The following ZNF254 variants were observed in gnomAD, a reference collection of about 807,000 sequenced individuals.
ZNF254 encodes the protein zinc finger protein 254.
Under a neutral mutation model 12.4 loss-of-function variants are expected in ZNF254, and 10 were observed. The ratio of observed to expected loss-of-function variants is 0.80; its 90% CI spans 0.50 to 1.36. The LOEUF (loss-of-function observed/expected upper bound fraction) is 1.36. ZNF254 is among the 40% of genes most tolerant of loss of function. ZNF254 has a pLI of 0.00. For synonymous variants in ZNF254, 305 were observed against 253.4 expected, an observed-to-expected ratio of 1.20 and a Z score of -1.93; for missense variants, 996 against 763.9, an observed-to-expected ratio of 1.30 and a Z score of -3.58.
At chr19:24,079,606 T>C (rs1310931028) in intron 2 of ZNF254, 1 of 152,126 alleles carries the variant, frequency 6.6e-6, no homozygotes, top group Admixed American at 6.6e-5. Flanking sequence ...CATAGGTGAG[T>C]TTGAGAAGTT....
intron 2 of ZNF254, among the ~76,000 whole-genome samples, chr19:24,058,566 C>G (rs903540055): frequency 1.3e-5 from 2 of 152,066 alleles, no homozygotes; most frequent in Non-Finnish European, 2.9e-5. Context: ...CGCCACCACG[C>G]CTGGCTAATT....
intron 3 of ZNF254, among the ~76,000 whole-genome samples, chr19:24,110,605 T>C (rs1205556922): frequency 6.6e-6 from 1 of 152,126 alleles, no homozygotes; most frequent in Non-Finnish European, 1.5e-5. Flanking sequence ...GTTAACTATA[T>C]TCACATCGTT....
intron 1 of ZNF254, among the ~76,000 whole-genome samples, chr19:24,041,618 CG>C (rs1253237180): frequency 2.0e-5 from 3 of 152,258 alleles, no homozygotes; most frequent in Non-Finnish European, 2.9e-5. Flanking sequence ...GGCTCCTGTG[CG>C]GCCCGAGCCT....
chr19:24,114,892 G>A (rs1973933089), intron 3 of ZNF254, among the ~76,000 whole-genome samples: 2 of 152,198 alleles, frequency 1.3e-5, no homozygotes, highest in Non-Finnish European at 2.9e-5. Flanking sequence ...CTCAAAAGAA[G>A]ACATTTATGC....
intron 3 of ZNF254, among the ~76,000 whole-genome samples, chr19:24,125,850 C>T (rs1180949438): frequency 1.3e-5 from 2 of 152,126 alleles, no homozygotes; most frequent in Non-Finnish European, 2.9e-5. Flanking sequence ...AGGAAAAAAC[C>T]CTAAAAGCCA....
chr19:24,111,045 G>T (rs1973643629), intron 3 of ZNF254, among the ~76,000 whole-genome samples: 2 of 151,838 alleles, frequency 1.3e-5, no homozygotes, highest in African/African-American at 2.4e-5. Context: ...CTGGTGTGCT[G>T]CACCCATTAG....
chr19:24,052,776 A>G (rs565396407), intron 2 of ZNF254, among the ~76,000 whole-genome samples: 2 of 152,234 alleles, frequency 1.3e-5, no homozygotes, highest in East Asian at 1.9e-4. Context: ...GTCAATCCCT[A>G]TTCACTGGTG....
chr19:24,094,338 G>A (rs1372825852), intron 1 of ZNF254, among the ~76,000 whole-genome samples: 2 of 151,942 alleles, frequency 1.3e-5, no homozygotes, highest in African/African-American at 2.4e-5. Flanking sequence ...TTGGCTCACC[G>A]CAAACTCCAC....
chr19:24,043,493 C>G (rs945314665), intron 1 of ZNF254, among the ~76,000 whole-genome samples: 1 of 152,114 alleles, frequency 6.6e-6, no homozygotes, highest in Non-Finnish European at 1.5e-5. Context: ...AACTCCTGAC[C>G]TCAGGTGATC....
At chr19:24,113,464 G>A (rs1373708796) in intron 3 of ZNF254, among the ~76,000 whole-genome samples, 1 of 152,074 alleles carries the variant, frequency 6.6e-6, no homozygotes, top group East Asian at 1.9e-4. Context: ...TGCAGAAAAG[G>A]CCTTTGACAA....
At chr19:24,046,733 T>A (rs1486140747) in intron 2 of ZNF254, among the ~76,000 whole-genome samples, 1 of 151,844 alleles carries the variant, frequency 6.6e-6, no homozygotes, top group Non-Finnish European at 1.5e-5. Flanking sequence ...GGGAGTGGCT[T>A]CTGAACATAA....
At chr19:24,058,822 C>T (rs17206080) in intron 2 of ZNF254, among the ~76,000 whole-genome samples, 22,584 of 152,198 alleles carry the variant, frequency 0.15, 1,936 homozygotes, top group Middle Eastern at 0.23. Context: ...ACGTGGTTCA[C>T]TGTGACATAT....
rs1490488400 is a variant in ZNF254 at position 24,049,206 on chromosome 19, ATATATATAT to A, written c.-94+2929_-94+2937del. 5.6e-3 allele frequency among the ~76,000 whole-genome samples: 302 copies of A among 53,816 alleles called. 3 individuals are homozygous for A. Among genetic ancestry groups the A allele is most frequent in the African/African-American group, 0.015 (160 of 10,842 alleles). The allele number at this position is 53,816 out of a possible 152,430, so 35.3% of individuals were successfully genotyped here. On this transcript the variant is annotated intron_variant, in intron 2 of 4. Coordinates refer to the ZNF254 transcript ENST00000613065. ...GTTTTATATATATATATATATATAT[ATATATATAT>A]TTTTTTTTTTTTTTTAATTTATTTA...
chr19:24,046,378 T>C (rs554644162), intron 2 of ZNF254: 3 of 93,912 alleles, frequency 3.2e-5, no homozygotes, highest in African/African-American at 1.2e-4. Context: ...ATTTTTTATA[T>C]ATATATATAT....
chr19:24,069,098 C>T (rs1971386732), intron 2 of ZNF254, among the ~76,000 whole-genome samples: 1 of 152,124 alleles, frequency 6.6e-6, no homozygotes, highest in South Asian at 2.1e-4. Flanking sequence ...CCTCTGCCTC[C>T]TGAGTTCAAG....
At chr19:24,052,233 A>G (rs1010368453) in intron 2 of ZNF254, among the ~76,000 whole-genome samples, 9 of 152,204 alleles carry the variant, frequency 5.9e-5, no homozygotes, top group African/African-American at 1.9e-4. Flanking sequence ...GTGTGTTGTG[A>G]CATGCCTGGA....
intron 3 of ZNF254, among the ~76,000 whole-genome samples, chr19:24,122,431 G>T (rs1192769023): frequency 6.6e-6 from 1 of 152,022 alleles, no homozygotes; most frequent in Non-Finnish European, 1.5e-5. Flanking sequence ...CACCATCTTG[G>T]CCAGGCTGGT....
intron 3 of ZNF254, among the ~76,000 whole-genome samples, chr19:24,115,339 G>C (rs1973972903): frequency 6.6e-6 from 1 of 152,166 alleles, no homozygotes; most frequent in South Asian, 2.1e-4. Context: ...GGAATACTAT[G>C]CAGCCATCAA....
chr19:24,115,441 C>T (rs549833031), intron 3 of ZNF254, among the ~76,000 whole-genome samples: 39 of 141,600 alleles, frequency 2.8e-4, no homozygotes, highest in African/African-American at 7.0e-4. Context: ...AACCAAACAC[C>T]GCATATTCCC....
Sources: allele counts gnomAD v4.1 joint callset (sites outside exome capture counted in the v4.1 genomes callset), GRCh38; gene constraint gnomAD v4.1.1; transcripts MANE v1.5; gene names NCBI Gene and HGNC (gene_info 2026-07-23, HGNC 2026-07-21).